PAM: variants seen among roughly 807,000 people sequenced by gnomAD.
PAM encodes the protein peptidylglycine alpha-amidating monooxygenase.
A neutral mutation model predicts 122.1 loss-of-function variants in PAM; 72 were observed. That is an observed-to-expected ratio of 0.59 (90% CI 0.49 to 0.72). PAM has a LOEUF of 0.72. PAM is among the 30% of genes least tolerant of loss of function. The pLI is 0.00. For synonymous variants in PAM, 389 were observed against 404.4 expected (o/e 0.96, Z 0.46); for missense variants, 1,106 against 1,183.7 (o/e 0.93, Z 0.96).
chr5:102,774,645 A>G (rs1756685350), intron 1 of PAM, among the ~76,000 whole-genome samples: 1 of 151,998 alleles, frequency 6.6e-6, no homozygotes, highest in South Asian at 2.1e-4. Flanking sequence ...TGCTTATTGA[A>G]CATCTTAATT....
At chr5:102,942,653 G>C (rs1755662056) in intron 7 of PAM, among the ~76,000 whole-genome samples, 1 of 151,710 alleles carries the variant, frequency 6.6e-6, no homozygotes, top group South Asian at 2.1e-4. Flanking sequence ...TGTGATCATG[G>C]CTTACTGCAG....
intron 7 of PAM, among the ~76,000 whole-genome samples, chr5:102,943,610 A>C (rs1411830858): frequency 6.6e-6 from 1 of 152,146 alleles, no homozygotes; most frequent in African/African-American, 2.4e-5. Flanking sequence ...TTAGAGAATT[A>C]TATTTGATAC....
intron 1 of PAM, among the ~76,000 whole-genome samples, chr5:102,853,170 T>C (rs1781748381): frequency 6.6e-6 from 1 of 152,202 alleles, no homozygotes; most frequent in Non-Finnish European, 1.5e-5. Flanking sequence ...ATAGTACCTG[T>C]CAGTGCCAGT....
At chr5:102,804,999 A>T (rs1411819655) in intron 1 of PAM, among the ~76,000 whole-genome samples, 1 of 151,550 alleles carries the variant, frequency 6.6e-6, no homozygotes, top group Non-Finnish European at 1.5e-5. Context: ...ACTTTTGAAA[A>T]CTGATAGAGT....
chr5:102,799,554 A>G (rs763031972), intron 1 of PAM, among the ~76,000 whole-genome samples: 4 of 152,186 alleles, frequency 2.6e-5, no homozygotes, highest in Admixed American at 6.5e-5. Context: ...TCTTAGCTAT[A>G]GCGTAGGTAT....
intron 1 of PAM, among the ~76,000 whole-genome samples, chr5:102,813,857 C>A (rs926415481): frequency 3.0e-4 from 45 of 152,130 alleles, no homozygotes; most frequent in African/African-American, 9.4e-4. Flanking sequence ...AGCAGCAATA[C>A]CTTAAAGGGC....
At position 102,949,923 on chromosome 5, in the gene PAM, G is replaced by A; in HGVS notation, c.746G>A (p.Arg249Lys). Residue 249 changes from arginine to lysine, a missense_variant, in exon 11 of 26, where the codon AGA (arginine) becomes AAA (lysine). Physicochemically the swap from Arg to Lys is conservative, Grantham distance 26 (BLOSUM62 2). This residue lies in a region of PAM where 670 missense variants were observed against 690.3 expected (regional missense o/e 0.97). Transcript: ENST00000438793. Reference protein sequence around the residue: ...HHLGKVVSGYRVRNGQWTLIG... With the variant: ...HHLGKVVSGYKVRNGQWTLIG... ...ACAGGTAAGGTAGTAAGTGGATACA[G>A]AGTAAGAAATGGACAGTGGACACTG... The A allele has an allele frequency of 6.3e-7, 1 of 1,578,554 alleles. No individual in the cohort carries two copies. The highest frequency in any genetic ancestry group is 8.7e-7 in the Non-Finnish European group (1 of 1,148,552).
intron 1 of PAM, among the ~76,000 whole-genome samples, chr5:102,836,859 CG>C (rs1777194158): frequency 5.0e-5 from 6 of 120,786 alleles, no homozygotes; most frequent in Non-Finnish European, 9.9e-5. Context: ...AGAAAGAAAC[CG>C]AGAGAGAGAG....
intron 14 of PAM, 152 bp from the exon 15 acceptor site, chr5:102,973,964 C>A (rs970751861): frequency 1.1e-5 from 6 of 552,604 alleles, no homozygotes; most frequent in Admixed American, 6.8e-5. Flanking sequence ...AGGAATTTTT[C>A]TTTTTTTTCC....
At chr5:102,865,583 G>A (rs944979700) in intron 1 of PAM, 1 of 152,134 alleles carries the variant, frequency 6.6e-6, no homozygotes, top group Non-Finnish European at 1.5e-5. Flanking sequence ...AAACAGGAGT[G>A]GGTCCAAGGG....
chr5:103,024,942 C>T (rs1230906931), intron 23 of PAM, among the ~76,000 whole-genome samples, 189 bp from the exon 24 acceptor site: 1 of 152,088 alleles, frequency 6.6e-6, no homozygotes, highest in Non-Finnish European at 1.5e-5. Flanking sequence ...AAAAACCATT[C>T]AGTGGAAATA....
intron 7 of PAM, 50 bp from the exon 8 acceptor site, chr5:102,946,787 A>G: frequency 1.8e-6 from 2 of 1,139,950 alleles, no homozygotes; most frequent in East Asian, 2.4e-5. Context: ...TTGGAAATCC[A>G]TTTTCTACAT....
At chr5:102,799,396 A>C (rs1764134665) in intron 1 of PAM, among the ~76,000 whole-genome samples, 1 of 152,182 alleles carries the variant, frequency 6.6e-6, no homozygotes, top group African/African-American at 2.4e-5. Flanking sequence ...TTAGGGAGAT[A>C]CAAAAAAGGA....
At chr5:102,790,533 G>T (rs1761776552) in intron 1 of PAM, among the ~76,000 whole-genome samples, 2 of 152,038 alleles carry the variant, frequency 1.3e-5, no homozygotes, top group Non-Finnish European at 2.9e-5. Context: ...TAAGTGATGA[G>T]AAACCTATCC....
At chr5:102,784,745 A>C (rs939857599) in intron 1 of PAM, among the ~76,000 whole-genome samples, 3 of 152,222 alleles carry the variant, frequency 2.0e-5, no homozygotes, top group Non-Finnish European at 2.9e-5. Context: ...GGCATTTACT[A>C]TATATTATCT....
At chr5:102,837,222 C>T (rs933182904) in intron 1 of PAM, among the ~76,000 whole-genome samples, 2 of 152,174 alleles carry the variant, frequency 1.3e-5, no homozygotes, top group African/African-American at 4.8e-5. Flanking sequence ...CTGAGCCTTA[C>T]ACCAGCCTCC....
chr5:102,772,499 A>C (rs2149779206), intron 1 of PAM, among the ~76,000 whole-genome samples: 1 of 152,230 alleles, frequency 6.6e-6, no homozygotes, highest in South Asian at 2.1e-4. Context: ...TCTCAAACTT[A>C]TGTGCTAGGA....
intron 1 of PAM, among the ~76,000 whole-genome samples, chr5:102,832,879 G>GT (rs1314289636): frequency 6.6e-6 from 1 of 152,122 alleles, no homozygotes; most frequent in East Asian, 1.9e-4. Context: ...GACAGTCCTG[G>GT]TTTGAAATCT....
intron 16 of PAM, 85 bp from the exon 17 acceptor site, chr5:103,002,948 T>G: frequency 1.4e-6 from 1 of 713,804 alleles, no homozygotes; most frequent in Admixed American, 2.1e-5. Context: ...CTCTTTTGAT[T>G]TTGTATTTAT....
Sources: allele counts gnomAD v4.1 joint callset (sites outside exome capture counted in the v4.1 genomes callset), GRCh38; gene constraint gnomAD v4.1.1; regional missense constraint gnomAD v4.1.1; transcripts MANE v1.5; gene names NCBI Gene and HGNC (gene_info 2026-07-23, HGNC 2026-07-21).